TENM2: variants seen among roughly 807,000 people sequenced by gnomAD.
The protein encoded by TENM2 is teneurin transmembrane protein 2, also known as teneurin-2.
Under a neutral mutation model 245.2 loss-of-function variants are expected in TENM2, and 52 were observed. The observed-to-expected ratio is 0.21, with a 90% CI of 0.17 to 0.27. The LOEUF is 0.27. Ranked by LOEUF, TENM2 falls within the 10% of genes least tolerant of loss-of-function variation. The pLI is 1.00. For missense variants in TENM2, 3,046 were observed against 3,666.8 expected (o/e 0.83, Z 4.37); for synonymous variants, 1,363 against 1,438.9 (o/e 0.95, Z 1.19).
At chr5:167,640,876 T>TCC (rs1276917108) in intron 2 of TENM2, among the ~76,000 whole-genome samples, 4 of 56,356 alleles carry the variant, frequency 7.1e-5, no homozygotes, top group African/African-American at 3.3e-4. Flanking sequence ...TATATATATA[T>TCC]ATATATATAT....
intron 2 of TENM2, among the ~76,000 whole-genome samples, chr5:167,672,043 T>C (rs1196499992): frequency 1.3e-5 from 2 of 152,034 alleles, no homozygotes; most frequent in African/African-American, 2.4e-5. Context: ...ATGTAATATA[T>C]GCATTCTTTA....
chr5:167,719,516 G>A (rs763273987), intron 2 of TENM2, among the ~76,000 whole-genome samples: 12 of 152,238 alleles, frequency 7.9e-5, no homozygotes, highest in African/African-American at 2.9e-4. Flanking sequence ...GAGGTAAAAG[G>A]TGAAGTGCAT....
intron 25 of TENM2, among the ~76,000 whole-genome samples, chr5:168,237,233 G>C (rs1038713578): frequency 2.9e-4 from 43 of 149,862 alleles, no homozygotes; most frequent in Non-Finnish European, 8.9e-5. Flanking sequence ...GACCAGGCTG[G>C]TCTTGAACTC....
intron 2 of TENM2, among the ~76,000 whole-genome samples, chr5:167,670,292 T>G (rs536259917): frequency 1.3e-5 from 2 of 152,158 alleles, no homozygotes; most frequent in Admixed American, 1.3e-4. Context: ...GGATCAAAAC[T>G]CCCAAGGTGT....
chr5:167,162,648 C>CAA, the TENM2 span, among the ~76,000 whole-genome samples: 13 of 143,998 alleles, frequency 9.0e-5, no homozygotes, highest in East Asian at 1.2e-3. Context: ...CAACAAAAAA[C>CAA]AAAAAAAAAA....
At chr5:168,225,761 C>CAAAAA (rs567948197) in intron 23 of TENM2, among the ~76,000 whole-genome samples, 7 of 57,038 alleles carry the variant, frequency 1.2e-4, no homozygotes, top group Admixed American at 2.0e-4. Flanking sequence ...TCCATCATCT[C>CAAAAA]AAAAAAAAAA....
intron 3 of TENM2, among the ~76,000 whole-genome samples, chr5:167,935,475 T>C (rs1158862464): frequency 6.6e-6 from 1 of 152,194 alleles, no homozygotes; most frequent in African/African-American, 2.4e-5. Context: ...TATTGGAAAC[T>C]GTGATCTAAT....
At chr5:168,128,284 C>G (rs1208105251) in intron 12 of TENM2, among the ~76,000 whole-genome samples, 1 of 152,194 alleles carries the variant, frequency 6.6e-6, no homozygotes, top group Non-Finnish European at 1.5e-5. Flanking sequence ...AGGAATAATT[C>G]AAAAGACTTT....
At chr5:167,479,105 C>T (rs772263181) in intron 2 of TENM2, among the ~76,000 whole-genome samples, 2 of 151,952 alleles carry the variant, frequency 1.3e-5, no homozygotes, top group African/African-American at 2.4e-5. Flanking sequence ...CAGAAACAAA[C>T]TTTGTGAAGT....
At chr5:167,207,967 T>A in the TENM2 span, among the ~76,000 whole-genome samples, 1 of 152,208 alleles carries the variant, frequency 6.6e-6, no homozygotes, top group African/African-American at 2.4e-5. Flanking sequence ...TTGGCCAGGT[T>A]GATCTCGAGC....
Position 167,499,809 on chromosome 5 carries a change from AGTGT to A in TENM2, c.502+124350_502+124353del, listed in dbSNP as rs745394290. Reference sequence around the variant, plus strand: ...CTGTGTGTGTTAGTGTATGTGAGGGAGTGTGTGTGTGTGTGTGCATGTGTATGTG... The same window carrying A: ...CTGTGTGTGTTAGTGTATGTGAGGGAGTGTGTGTGTGTGCATGTGTATGTG... On this transcript the variant is annotated intron_variant, in intron 2 of 28. Coordinates refer to ENST00000518659, the Ensembl canonical transcript of TENM2. Among the ~76,000 whole-genome samples the A allele has an allele frequency of 2.8e-5, 4 of 143,032 alleles. No individual in the cohort carries two copies. The South Asian group carries it at 9.0e-4, about 32-fold the overall frequency. The allele number at this position is 143,032 out of a possible 152,430, so 93.8% of individuals were successfully genotyped here.
intron 4 of TENM2, among the ~76,000 whole-genome samples, chr5:167,963,553 G>C (rs1781169195): frequency 6.6e-6 from 1 of 152,164 alleles, no homozygotes; most frequent in Admixed American, 6.5e-5. Context: ...TTTACAAACA[G>C]CTTGACCACC....
At chr5:167,503,842 T>G (rs2127560156) in intron 2 of TENM2, among the ~76,000 whole-genome samples, 1 of 152,230 alleles carries the variant, frequency 6.6e-6, no homozygotes. Context: ...TGCAGTGAGC[T>G]GAGATCATGC....
the TENM2 span, among the ~76,000 whole-genome samples, chr5:167,140,436 T>C: frequency 6.6e-6 from 1 of 152,208 alleles, no homozygotes; most frequent in African/African-American, 2.4e-5. Flanking sequence ...ATCTGATTAC[T>C]CTTACTGGTT....
At position 167,993,134 on chromosome 5, in the gene TENM2, G is replaced by A. The variant is rs751197197; in HGVS notation, c.1138G>A (p.Ala380Thr). The change falls in exon 5 of 29, where the codon GCC becomes ACC. Residue 380 changes from alanine (A) to threonine (T), a missense_variant. Around this residue, in one of 2 missense-constraint regions of TENM2, gnomAD observed 2,704 missense variants for 3,331.9 expected, o/e 0.81. Transcript: ENST00000518659. The stretch of plus-strand genomic sequence containing the variant: ...CAGCTGGAAATGTGCTGCCCTCTCC[G>A]CCATTGCCGCGGCCCTCCTCTTGGC... The A allele has an allele frequency of 1.7e-5, 28 of 1,613,874 alleles. No individual in the cohort carries two copies. The highest frequency in any genetic ancestry group is 6.7e-5 in the Admixed American group (4 of 60,004).
At chr5:167,409,595 G>A (rs892176037) in intron 2 of TENM2, among the ~76,000 whole-genome samples, 3 of 151,942 alleles carry the variant, frequency 2.0e-5, no homozygotes, top group Non-Finnish European at 4.4e-5. Context: ...AATATTAACA[G>A]CGGCATGCAT....
chr5:167,625,594 T>G (rs1210660640), intron 2 of TENM2, among the ~76,000 whole-genome samples: 1 of 152,224 alleles, frequency 6.6e-6, no homozygotes, highest in Non-Finnish European at 1.5e-5. Context: ...ATAAGTTAGA[T>G]AAGGAAAGTC....
chr5:167,982,014 AATCCAGATCCC>A (rs1782879773), intron 4 of TENM2, among the ~76,000 whole-genome samples: 3 of 151,880 alleles, frequency 2.0e-5, no homozygotes, highest in Non-Finnish European at 2.9e-5. Flanking sequence ...AAAAAAAGAA[AATCCAGATCCC>A]ATGCCTTCAA....
At chr5:167,924,562 G>A (rs533184085) in intron 3 of TENM2, among the ~76,000 whole-genome samples, 11 of 152,292 alleles carry the variant, frequency 7.2e-5, no homozygotes, top group South Asian at 6.2e-4. Context: ...CATGAAGAAC[G>A]CATTCATCAA....
Sources: allele counts gnomAD v4.1 joint callset (sites outside exome capture counted in the v4.1 genomes callset), GRCh38; gene constraint gnomAD v4.1.1; regional missense constraint gnomAD v4.1.1; transcripts MANE v1.5; gene names NCBI Gene and HGNC (gene_info 2026-07-23, HGNC 2026-07-21).